Variants in ZNF385D observed in about 807,000 individuals in gnomAD.
ZNF385D encodes the protein zinc finger protein 385D.
Under a neutral mutation model 35.8 loss-of-function variants are expected in ZNF385D, and 15 were observed. The observed-to-expected ratio is 0.42, with a 90% confidence interval of 0.28 to 0.64. The LOEUF is 0.64. ZNF385D is among the 30% of genes least tolerant of loss of function. ZNF385D has a pLI of 0.23. For missense variants in ZNF385D, 474 were observed against 494.6 expected (o/e 0.96, Z 0.39); for synonymous variants, 212 against 186.8 (o/e 1.13, Z -1.10).
chr3:21,517,647 G>A (rs1707661728), intron 3 of ZNF385D, among the ~76,000 whole-genome samples: 1 of 152,164 alleles, frequency 6.6e-6, no homozygotes, highest in African/African-American at 2.4e-5. Context: ...CAACTAGGCT[G>A]ATTGGAACCT....
intron 4 of ZNF385D, among the ~76,000 whole-genome samples, chr3:21,468,295 G>A (rs186710748): frequency 5.1e-4 from 77 of 150,970 alleles, no homozygotes; most frequent in Middle Eastern, 3.4e-3. Flanking sequence ...CCAGCTACTC[G>A]GGAGGCTGAG....
intron 3 of ZNF385D, among the ~76,000 whole-genome samples, chr3:22,015,408 T>C (rs1162623374): frequency 6.6e-6 from 1 of 152,116 alleles, no homozygotes; most frequent in African/African-American, 2.4e-5. Context: ...AAAGAAAATA[T>C]CTACGCTTTT....
intron 2 of ZNF385D, among the ~76,000 whole-genome samples, chr3:21,643,450 G>C (rs1232349296): frequency 3.3e-5 from 5 of 152,132 alleles, no homozygotes; most frequent in Non-Finnish European, 5.9e-5. Context: ...GGAAGGACTG[G>C]TGAAACAGCA....
chr3:22,136,102 G>A lies in ZNF385D; in HGVS notation c.325+32715C>T, dbSNP rs79378577. Among the ~76,000 whole-genome samples, 737 of 152,304 alleles carry A rather than the reference G, an allele frequency of 4.8e-3. 22 individuals are homozygous for A. The East Asian group carries it at 0.051, about 11-fold the overall frequency. ...CAACAAAAGGATAATCCGTATAAGA[G>A]GCCAGGCGTGGTGGCTCATGCCTAT... On this transcript the variant is annotated intron_variant, in intron 3 of 5. Transcript: ENST00000494108.
intron 3 of ZNF385D, among the ~76,000 whole-genome samples, chr3:22,079,742 C>G (rs1406670597): frequency 6.6e-6 from 1 of 151,772 alleles, no homozygotes; most frequent in African/African-American, 2.4e-5. Flanking sequence ...ATGGTTTTTT[C>G]CTTTGGTTTT....
intron 3 of ZNF385D, among the ~76,000 whole-genome samples, chr3:21,937,237 A>C (rs1409623435): frequency 6.6e-6 from 1 of 152,196 alleles, no homozygotes; most frequent in Non-Finnish European, 1.5e-5. Flanking sequence ...AAGCCTTAAA[A>C]AAATAAAAGT....
At chr3:21,761,563 C>G (rs1165561970) in intron 3 of ZNF385D, among the ~76,000 whole-genome samples, 2 of 152,094 alleles carry the variant, frequency 1.3e-5, no homozygotes, top group Non-Finnish European at 2.9e-5. Flanking sequence ...GGTCATCAAT[C>G]AATGCAAGAA....
chr3:21,691,795 T>A (rs2067295344), intron 1 of ZNF385D, among the ~76,000 whole-genome samples: 1 of 152,230 alleles, frequency 6.6e-6, no homozygotes, highest in Non-Finnish European at 1.5e-5. Context: ...ACTACACTCA[T>A]ACTGCCATGC....
intron 3 of ZNF385D, among the ~76,000 whole-genome samples, chr3:21,977,822 CA>C (rs1416944584): frequency 6.6e-6 from 1 of 151,886 alleles, no homozygotes; most frequent in Admixed American, 6.6e-5. Context: ...GGCAACAGAG[CA>C]AAACCCTGTC....
intron 2 of ZNF385D, among the ~76,000 whole-genome samples, chr3:22,326,058 T>A (rs963928536): frequency 4.6e-5 from 7 of 152,148 alleles, no homozygotes; most frequent in Non-Finnish European, 7.4e-5. Flanking sequence ...TTCCCGAATG[T>A]TTTCCTTTCC....
intron 3 of ZNF385D, among the ~76,000 whole-genome samples, chr3:21,558,149 A>G (rs60546038): frequency 0.041 from 4,792 of 116,848 alleles, 190 homozygotes; most frequent in South Asian, 0.15. Flanking sequence ...TCATGTCTCT[A>G]TCTCCTTCAG....
chr3:21,509,142 G>A (rs1707011288), intron 4 of ZNF385D, among the ~76,000 whole-genome samples: 1 of 151,878 alleles, frequency 6.6e-6, no homozygotes, highest in South Asian at 2.1e-4. Context: ...CATCCTTAAT[G>A]AAACACATAT....
At chr3:21,436,824 T>G in intron 5 of ZNF385D, 146 bp downstream of exon 5, 1 of 822,474 alleles carries the variant, frequency 1.2e-6, no homozygotes, top group Non-Finnish European at 1.9e-6. Context: ...TTGCTCGTCA[T>G]TTTTATTTTT....
intron 3 of ZNF385D, among the ~76,000 whole-genome samples, chr3:21,827,433 T>C (rs1214909263): frequency 6.6e-6 from 1 of 152,214 alleles, no homozygotes; most frequent in East Asian, 1.9e-4. Flanking sequence ...GACTCAAAGA[T>C]TCCTTCAAAT....
chr3:21,926,263 T>C (rs1700722057), intron 3 of ZNF385D, among the ~76,000 whole-genome samples: 1 of 151,686 alleles, frequency 6.6e-6, no homozygotes, highest in Non-Finnish European at 1.5e-5. Context: ...TAGGTATTTC[T>C]CCTAATGCTA....
intron 3 of ZNF385D, among the ~76,000 whole-genome samples, chr3:21,915,592 A>C (rs747764931): frequency 3.9e-5 from 6 of 152,110 alleles, no homozygotes; most frequent in Non-Finnish European, 5.9e-5. Flanking sequence ...CATCTGGTTC[A>C]TTCAAGAGAG....
intron 2 of ZNF385D, among the ~76,000 whole-genome samples, chr3:22,188,217 G>T (rs894538917): frequency 1.3e-5 from 2 of 152,144 alleles, no homozygotes; most frequent in African/African-American, 2.4e-5. Context: ...ATTTATTTTA[G>T]TAAGTAAAAT....
At chr3:22,281,807 A>G (rs1409882852) in intron 2 of ZNF385D, among the ~76,000 whole-genome samples, 1 of 152,050 alleles carries the variant, frequency 6.6e-6, no homozygotes, top group African/African-American at 2.4e-5. Flanking sequence ...AATAGTGTCA[A>G]TAGGATTGGT....
rs1043457018 is a variant in ZNF385D, at chr3:21,751,146, G to A, written c.-230C>T. ...GTGCGCTCGGGCTGCCTGCTGCACT[G>A]CCCATCCTTACTGTAATCCGACTCC... On this transcript the variant is annotated 5_prime_UTR_variant, in exon 1 of 8. The change creates a premature stop within an existing upstream ORF in the 5' untranslated region. Coordinates refer to ENST00000281523, the MANE Select transcript of ZNF385D (RefSeq NM_024697.3). 9.0e-6 allele frequency: 13 copies of A among 1,441,408 alleles called. No homozygotes were observed. Among genetic ancestry groups the A allele is most frequent in the Middle Eastern group, 2.6e-4 (1 of 3,864 alleles). The allele number at this position is 1,441,408 out of a possible 1,614,324, so 89.3% of individuals were successfully genotyped here. A position where few individuals can be genotyped will look rare whatever the true frequency, so the allele number is the denominator to read the frequency against.
Sources: gnomAD v4.1 joint callset for allele counts (sites outside exome capture counted in the v4.1 genomes callset) on GRCh38, gnomAD v4.1.1 for gene constraint, MANE v1.5 for transcripts, NCBI Gene and HGNC (gene_info 2026-07-23, HGNC 2026-07-21) for gene names.